The following RASGRP3 variants were observed in gnomAD, a reference collection of about 807,000 sequenced individuals.
RASGRP3 encodes ras guanyl-releasing protein 3.
RASGRP3 carries 54 observed loss-of-function variants against 82.7 expected under a neutral mutation model. That is an observed-to-expected ratio of 0.65 (90% confidence interval 0.52 to 0.82). The LOEUF (loss-of-function observed/expected upper bound fraction) is 0.82, where lower values mean the gene tolerates loss of function less well. RASGRP3 is among the 40% of genes least tolerant of loss of function. The pLI, the probability that RASGRP3 is intolerant of heterozygous loss-of-function variation, is 0.00. For synonymous variants in RASGRP3, 309 were observed against 300.5 expected (o/e 1.03, Z -0.29); for missense variants, 861 against 828.9 (o/e 1.04, Z -0.48).
chr2:33,498,148 T>TG (rs1669501701), intron 1 of RASGRP3, among the ~76,000 whole-genome samples: 2 of 152,134 alleles, frequency 1.3e-5, no homozygotes, highest in Non-Finnish European at 2.9e-5. Flanking sequence ...CACTTTTTGG[T>TG]CCCTTACCAA....
intron 10 of RASGRP3, among the ~76,000 whole-genome samples, chr2:33,529,514 A>G (rs978476129): frequency 2.7e-5 from 4 of 150,632 alleles, no homozygotes; most frequent in Non-Finnish European, 5.9e-5. Context: ...AGGAGTACAA[A>G]TGAAAAAAAT....
Position 33,548,479 on chromosome 2 carries a change from G to A in RASGRP3, c.1395-1125G>A, listed in dbSNP as rs144496908. On this transcript the variant is annotated intron_variant, in intron 13 of 17. Coordinates refer to ENST00000403687, the MANE Select transcript of RASGRP3 (RefSeq NM_001139488.2). ...AGTCCTGAGCGTATTTGTGAACGGA[G>A]GAAGAAACAGGGGAAGAGACTGAGC... Among the ~76,000 whole-genome samples, 719 of 152,096 alleles carry A rather than the reference G, an allele frequency of 4.7e-3. 5 individuals carry two copies. The highest frequency in any genetic ancestry group is 0.017 in the African/African-American group (688 of 41,500).
upstream of RASGRP3, among the ~76,000 whole-genome samples, chr2:33,472,546 C>T (rs565052351): frequency 6.6e-6 from 1 of 152,226 alleles, no homozygotes; most frequent in South Asian, 2.1e-4. Flanking sequence ...AGGATTTTCA[C>T]ACCTAAGGGG....
intron 2 of RASGRP3, among the ~76,000 whole-genome samples, chr2:33,463,590 C>G (rs1558405748): frequency 7.8e-6 from 1 of 128,546 alleles, no homozygotes; most frequent in Admixed American, 8.8e-5. Context: ...TGCTCCTTCA[C>G]TCTTTTTTTT....
intron 2 of RASGRP3, among the ~76,000 whole-genome samples, chr2:33,456,566 C>T (rs1666047911): frequency 6.6e-6 from 1 of 152,078 alleles, no homozygotes; most frequent in Non-Finnish European, 1.5e-5. Flanking sequence ...CTCAGTCTTC[C>T]ATCTTATTCC....
At chr2:33,537,520 G>A (rs543939849) in intron 11 of RASGRP3, among the ~76,000 whole-genome samples, 149 of 151,856 alleles carry the variant, frequency 9.8e-4, no homozygotes, top group African/African-American at 3.3e-3. Flanking sequence ...CACCACATCC[G>A]GCTAATTTTT....
At chr2:33,460,648 G>C (rs973890137) in intron 2 of RASGRP3, among the ~76,000 whole-genome samples, 4 of 151,768 alleles carry the variant, frequency 2.6e-5, no homozygotes, top group African/African-American at 9.7e-5. Context: ...CTGAGTAGCT[G>C]GGACTACAGG....
chr2:33,511,941 G>C (rs779823634), intron 2 of RASGRP3, 99 bp downstream of exon 2: 4 of 152,508 alleles, frequency 2.6e-5, no homozygotes, highest in Non-Finnish European at 5.9e-5. Context: ...ATGTTAATAG[G>C]AGTTATCTTT....
chr2:33,507,564 T>C (rs1297507432), intron 1 of RASGRP3, among the ~76,000 whole-genome samples: 4 of 152,188 alleles, frequency 2.6e-5, no homozygotes, highest in African/African-American at 7.2e-5. Flanking sequence ...CTCTCTATGT[T>C]GCCCAGGCAG....
In RASGRP3 at chr2:33,487,069, G is replaced by A. The variant is rs76046741; in HGVS notation, c.-261+10362G>A. Among the ~76,000 whole-genome samples the A allele has an allele frequency of 9.7e-3, 1,479 of 152,008 alleles. 11 individuals are homozygous for A. The highest frequency in any genetic ancestry group is 0.027 in the Middle Eastern group (8 of 294). On this transcript the variant is annotated intron_variant, in intron 1 of 17. Coordinates refer to ENST00000403687, the MANE Select transcript of RASGRP3 (RefSeq NM_001139488.2). ...CTTATTTAATTTATATATCCCTACC[G>A]ATGTTCTCCCCTTCCCATATTAGCT... is the stretch of plus-strand genomic sequence containing the variant.
chr2:33,447,340 G>C (rs1354403686), intron 1 of RASGRP3, among the ~76,000 whole-genome samples: 1 of 152,050 alleles, frequency 6.6e-6, no homozygotes, highest in African/African-American at 2.4e-5. Flanking sequence ...TGGGAACTAG[G>C]GCTGTTTCTC....
chr2:33,547,888 G>A (rs77574946), intron 13 of RASGRP3, among the ~76,000 whole-genome samples: 1 of 152,008 alleles, frequency 6.6e-6, no homozygotes, highest in East Asian at 1.9e-4. Flanking sequence ...GTGCCTAAGG[G>A]GAGAGCGCCA....
chr2:33,537,882 A>G (rs892063206), intron 11 of RASGRP3, among the ~76,000 whole-genome samples: 1 of 152,190 alleles, frequency 6.6e-6, no homozygotes, highest in African/African-American at 2.4e-5. Context: ...AATGTCTTGT[A>G]AGAATGCAGA....
chr2:33,524,010 G>A lies in RASGRP3; in HGVS notation c.648G>A (p.Gln216=). The A allele has an allele frequency of 6.2e-7, 1 of 1,613,930 alleles. No homozygotes were observed. Residue 216 remains glutamine (Q), a synonymous_variant, in exon 8 of 18, where the codon CAG becomes CAA. Coordinates refer to ENST00000403687, the MANE Select transcript of RASGRP3 (RefSeq NM_001139488.2). ...TGGTTCTTAGCAAACCAACCCCCCA[G>A]CAAAGGGCAGAAGTCATCACAAAGT... is the stretch of plus-strand genomic sequence containing the variant. ...QLMVLSKPTP[Q]QRAEVITKFI...
chr2:33,534,480 C>T, intron 11 of RASGRP3, 80 bp downstream of exon 11: 1 of 900,328 alleles, frequency 1.1e-6, no homozygotes, highest in East Asian at 2.6e-5. Flanking sequence ...TACAATGCTG[C>T]TTTATGTTCT....
chr2:33,438,219 T>C (rs1665027745), intron 1 of RASGRP3, among the ~76,000 whole-genome samples: 1 of 152,252 alleles, frequency 6.6e-6, no homozygotes, highest in African/African-American at 2.4e-5. Context: ...TTTTCACTTG[T>C]AAAAGGCTCA....
At chr2:33,457,487 C>A (rs1040443518) in intron 2 of RASGRP3, among the ~76,000 whole-genome samples, 1 of 152,118 alleles carries the variant, frequency 6.6e-6, no homozygotes, top group Admixed American at 6.6e-5. Flanking sequence ...ACATCTTTTT[C>A]ATGGCTACAT....
rs571609316 is a variant in RASGRP3, at chr2:33,442,427, A to C, written c.-384-5393A>C. The stretch of plus-strand genomic sequence containing the variant: ...GATTTTCTACTTTGTCTCCAGGATA[A>C]ATAAGCATGTACTACTTTTATAATC... On this transcript the variant is annotated intron_variant, in intron 1 of 18. Transcript: ENST00000402538. Among the ~76,000 whole-genome samples the C allele has an allele frequency of 2.0e-5, 3 of 152,350 alleles. No homozygotes were observed. The East Asian group carries it at 5.8e-4, about 29-fold the overall frequency.
intron 1 of RASGRP3, among the ~76,000 whole-genome samples, chr2:33,484,840 G>T (rs1218302107): frequency 6.6e-6 from 1 of 152,170 alleles, no homozygotes; most frequent in Admixed American, 6.5e-5. Flanking sequence ...GTCCTAGTCT[G>T]CCTGGAAACA....
Sources: allele counts gnomAD v4.1 joint callset (sites outside exome capture counted in the v4.1 genomes callset), GRCh38; gene constraint gnomAD v4.1.1; transcripts MANE v1.5; gene names NCBI Gene and HGNC (gene_info 2026-07-23, HGNC 2026-07-21).